PHF21B: variants seen among roughly 807,000 people sequenced by gnomAD.
PHF21B encodes the protein PHD finger protein 4.
In PHF21B, 22 loss-of-function variants were observed where a neutral mutation model predicts 62.2. The ratio of observed to expected loss-of-function variants is 0.35; its 90% confidence interval spans 0.25 to 0.51. The LOEUF (loss-of-function observed/expected upper bound fraction) is 0.51. PHF21B is among the 20% of genes least tolerant of loss of function. PHF21B has a pLI of 0.97. For missense variants in PHF21B, 701 were observed against 707.9 expected, an observed-to-expected ratio of 0.99 and a Z score of 0.11; for synonymous variants, 341 against 314.7, an observed-to-expected ratio of 1.08 and a Z score of -0.88.
chr22:44,977,817 C>T (rs1483688303), intron 2 of PHF21B, among the ~76,000 whole-genome samples: 1 of 150,966 alleles, frequency 6.6e-6, no homozygotes, highest in Non-Finnish European at 1.5e-5. Flanking sequence ...GAACTCCTGG[C>T]CTCAAGTAAT....
chr22:44,908,983 A>G (rs1273260339), intron 5 of PHF21B, among the ~76,000 whole-genome samples: 3 of 152,168 alleles, frequency 2.0e-5, no homozygotes, highest in African/African-American at 7.2e-5. Context: ...ATTTTTGTAG[A>G]GACCAGGTTT....
At chr22:44,885,826 A>G (rs1476424983) in intron 11 of PHF21B, 37 bp downstream of exon 11, 2 of 1,599,528 alleles carry the variant, frequency 1.3e-6, no homozygotes, top group Admixed American at 1.7e-5. Flanking sequence ...GAGGAGGGGG[A>G]GCAGGTACCC....
At chr22:45,005,021 G>C (rs1437235194) in intron 2 of PHF21B, among the ~76,000 whole-genome samples, 1 of 152,170 alleles carries the variant, frequency 6.6e-6, no homozygotes, top group Non-Finnish European at 1.5e-5. Context: ...CAGGTCTGGA[G>C]ATGCCAGCTC....
At chr22:45,008,503 C>G in intron 2 of PHF21B, 42 bp downstream of exon 2, 1 of 1,510,034 alleles carries the variant, frequency 6.6e-7, no homozygotes, top group Non-Finnish European at 8.9e-7. Context: ...CCCAGCCACC[C>G]TCCCGCCCCA....
intron 5 of PHF21B, among the ~76,000 whole-genome samples, chr22:44,896,849 T>C (rs1287482072): frequency 2.0e-5 from 3 of 149,794 alleles, no homozygotes; most frequent in Non-Finnish European, 4.4e-5. Context: ...TTTCTGTCAC[T>C]TATGAAACAG....
At chr22:44,897,424 TTATA>T (rs906763810) in intron 5 of PHF21B, among the ~76,000 whole-genome samples, 39 of 152,108 alleles carry the variant, frequency 2.6e-4, no homozygotes, top group African/African-American at 9.2e-4. Flanking sequence ...GCGTATGATG[TTATA>T]TAAGACCCCT....
chr22:44,941,652 C>T (rs1392010757), intron 2 of PHF21B, among the ~76,000 whole-genome samples: 6 of 152,168 alleles, frequency 3.9e-5, no homozygotes, highest in Non-Finnish European at 7.3e-5. Flanking sequence ...CAGGGGTGGA[C>T]GGAGTCCACC....
chr22:44,955,449 G>C (rs1408079791), intron 2 of PHF21B, among the ~76,000 whole-genome samples: 1 of 152,216 alleles, frequency 6.6e-6, no homozygotes, highest in Non-Finnish European at 1.5e-5. Context: ...GTGTGTCTGT[G>C]AGGGCGTTTC....
chr22:45,009,875 A>AGCC lies in PHF21B; in HGVS notation c.-329_-327dup. The AGCC allele has an allele frequency of 5.5e-4, 79 of 144,856 alleles. No individual in the cohort carries two copies. The highest frequency in any genetic ancestry group is 1.2e-3 in the African/African-American group (49 of 40,136). The allele number at this position is 144,856 out of a possible 1,614,324, so 9.0% of individuals were successfully genotyped here. A position where few individuals can be genotyped will look rare whatever the true frequency, so the allele number is the denominator to read the frequency against. The stretch of plus-strand genomic sequence containing the variant: ...CGCGCAGCCCCGCGCGCGCCCGCCC[A>AGCC]GCCGCCGCCGCCGCCGCCTCCTCCC... On this transcript the variant is annotated 5_prime_UTR_variant, in exon 1 of 13. Coordinates refer to ENST00000313237, the MANE Select transcript of PHF21B (RefSeq NM_138415.5). This position sits in a 1 kb window ranked among gnomAD's most constrained non-coding sequence, Gnocchi z 5.9.
At chr22:44,937,134 G>A (rs183157294) in intron 2 of PHF21B, among the ~76,000 whole-genome samples, 119 of 152,172 alleles carry the variant, frequency 7.8e-4, no homozygotes, top group African/African-American at 2.7e-3. Context: ...CCAAACTGCT[G>A]GGATTACAGG....
In PHF21B at chr22:44,885,497, G is replaced by T; in HGVS notation, c.1306C>A (p.Arg436=). The T allele has an allele frequency of 6.3e-7, 1 of 1,598,868 alleles. No individual in the cohort carries two copies. Among genetic ancestry groups the T allele is most frequent in the South Asian group, 1.1e-5 (1 of 88,580 alleles). The part of the protein sequence containing the change: ...KEEEKQKLLQ[R]GSELQNEHQQ... ...TGCTCGTTCTGCAGCTCACTGCCTC[G>T]TTGCAGCAGCTTCTGCTTCTCCTCT... Residue 436 remains arginine (R), a synonymous_variant, in exon 12 of 13, where the codon CGA becomes AGA. Transcript: ENST00000313237.
chr22:44,997,365 T>A (rs150079905), intron 2 of PHF21B, among the ~76,000 whole-genome samples: 4 of 152,170 alleles, frequency 2.6e-5, no homozygotes, highest in Non-Finnish European at 5.9e-5. Context: ...CCCCAGTAAC[T>A]GTTCTGTCAC....
At chr22:44,912,377 C>T (rs1358630628) in intron 5 of PHF21B, among the ~76,000 whole-genome samples, 1 of 152,118 alleles carries the variant, frequency 6.6e-6, no homozygotes, top group Non-Finnish European at 1.5e-5. Flanking sequence ...TGTGTCCTCA[C>T]CCAAATCTCA....
chr22:44,966,143 T>A (rs1169913570), intron 2 of PHF21B, among the ~76,000 whole-genome samples: 2 of 152,074 alleles, frequency 1.3e-5, no homozygotes, highest in Non-Finnish European at 2.9e-5. Flanking sequence ...ACTCCCTGCA[T>A]CCCTCCAGTC....
chr22:44,920,139 G>A (rs921371681), intron 3 of PHF21B, among the ~76,000 whole-genome samples: 6 of 152,208 alleles, frequency 3.9e-5, no homozygotes, highest in Admixed American at 1.3e-4. Context: ...TTTTAGTCTG[G>A]CCTCATTTAT....
intron 2 of PHF21B, among the ~76,000 whole-genome samples, chr22:44,927,594 C>T (rs1008209648): frequency 2.0e-5 from 3 of 152,208 alleles, no homozygotes; most frequent in Admixed American, 6.5e-5. Flanking sequence ...TTCCAACAAC[C>T]GTCCATTCTC....
Position 45,008,534 on chromosome 22 carries a change from C to A in PHF21B, c.120+11G>T. The A allele has an allele frequency of 1.3e-6, 2 of 1,568,372 alleles. No individual in the cohort carries two copies. Among genetic ancestry groups the A allele is most frequent in the South Asian group, 1.2e-5 (1 of 85,298 alleles). ...CCCCATCCCAGGGGGGGCCGCGATC[C>A]CATCGCTTACTTGTTTGTCGCTGAG... is the stretch of plus-strand genomic sequence containing the variant. On this transcript the variant is annotated intron_variant, in intron 2 of 12. Transcript: ENST00000313237.
chr22:44,999,033 C>T (rs939572147), intron 2 of PHF21B, among the ~76,000 whole-genome samples: 9 of 152,188 alleles, frequency 5.9e-5, no homozygotes, highest in African/African-American at 2.2e-4. Flanking sequence ...TTTAAGAAGA[C>T]CAGCACAAGT....
chr22:44,948,014 C>CTCCCCGCTGTTGTCCCTCT (rs1569247149), intron 2 of PHF21B, among the ~76,000 whole-genome samples: 1 of 152,130 alleles, frequency 6.6e-6, no homozygotes, highest in Non-Finnish European at 1.5e-5. Context: ...GTTGTCCCTC[C>CTCCCCGCTGTTGTCCCTCT]TCCCCACTGC....
Sources: allele counts gnomAD v4.1 joint callset (sites outside exome capture counted in the v4.1 genomes callset), GRCh38; gene constraint gnomAD v4.1.1; non-coding constraint Gnocchi (gnomAD v3.1); transcripts MANE v1.5; gene names NCBI Gene and HGNC (gene_info 2026-07-23, HGNC 2026-07-21).